The following PDZRN4 variants were observed in gnomAD, a reference collection of about 807,000 sequenced individuals.
The protein encoded by PDZRN4 is PDZ domain containing ring finger 4, also known as PDZ domain-containing RING finger protein 4.
Under a neutral mutation model 99.0 loss-of-function variants are expected in PDZRN4, and 70 were observed. That is an observed-to-expected ratio of 0.71 (90% CI 0.58 to 0.86). The LOEUF (loss-of-function observed/expected upper bound fraction) is 0.86, where lower values mean the gene tolerates loss of function less well. Ranked by LOEUF, PDZRN4 falls within the 40% of genes least tolerant of loss-of-function variation. PDZRN4 has a pLI of 0.00. For synonymous variants in PDZRN4, 551 were observed against 501.6 expected (o/e 1.10, Z -1.32); for missense variants, 1,474 against 1,331.2 (o/e 1.11, Z -1.67).
At chr12:41,553,115 C>G (rs939314044) in intron 6 of PDZRN4, among the ~76,000 whole-genome samples, 1 of 152,184 alleles carries the variant, frequency 6.6e-6, no homozygotes, top group African/African-American at 2.4e-5. Context: ...GTTCTATTAA[C>G]AGTAGCACTG....
chr12:41,324,714 G>A (rs1408442484), intron 3 of PDZRN4, among the ~76,000 whole-genome samples: 1 of 152,044 alleles, frequency 6.6e-6, no homozygotes, highest in Non-Finnish European at 1.5e-5. Flanking sequence ...TTCCAACATA[G>A]TAGTCAATAG....
chr12:41,475,875 G>T (rs1370285918), intron 3 of PDZRN4, among the ~76,000 whole-genome samples: 1 of 152,074 alleles, frequency 6.6e-6, no homozygotes, highest in Non-Finnish European at 1.5e-5. Flanking sequence ...TGACCTCCGG[G>T]AGTAAATGTT....
intron 3 of PDZRN4, among the ~76,000 whole-genome samples, chr12:41,248,430 A>G (rs923611723): frequency 6.6e-6 from 1 of 152,336 alleles, no homozygotes; most frequent in South Asian, 2.1e-4. Context: ...CAAGAAAAAT[A>G]ACATTTTAAT....
intron 3 of PDZRN4, among the ~76,000 whole-genome samples, chr12:41,267,409 A>G (rs1340032614): frequency 6.6e-6 from 1 of 152,298 alleles, no homozygotes; most frequent in African/African-American, 2.4e-5. Context: ...AAGAAGAAGA[A>G]AAAAAAGACA....
At chr12:41,388,118 C>T (rs1356522050) in intron 3 of PDZRN4, among the ~76,000 whole-genome samples, 3 of 152,072 alleles carry the variant, frequency 2.0e-5, no homozygotes, top group Non-Finnish European at 4.4e-5. Context: ...ATGTCCTTTG[C>T]AGGGATATGG....
chr12:41,470,089 A>G (rs930478942), intron 3 of PDZRN4, among the ~76,000 whole-genome samples: 21 of 152,068 alleles, frequency 1.4e-4, no homozygotes, highest in African/African-American at 4.8e-4. Context: ...TATTTTGACT[A>G]CTTGAAGGCC....
chr12:41,538,265 T>G (rs1005265515), intron 5 of PDZRN4, among the ~76,000 whole-genome samples: 1 of 152,166 alleles, frequency 6.6e-6, no homozygotes, highest in African/African-American at 2.4e-5. Context: ...ATCTAGAAAT[T>G]TTTCTTTGAA....
At chr12:41,260,246 A>T (rs1303479885) in intron 3 of PDZRN4, among the ~76,000 whole-genome samples, 1 of 152,110 alleles carries the variant, frequency 6.6e-6, no homozygotes, top group Non-Finnish European at 1.5e-5. Context: ...TAGGATAGGA[A>T]CAACAATACT....
chr12:41,394,022 T>C (rs911471090), intron 3 of PDZRN4, among the ~76,000 whole-genome samples: 1 of 152,198 alleles, frequency 6.6e-6, no homozygotes, highest in East Asian at 1.9e-4. Context: ...GAATGCCTTA[T>C]AAATGGAAAT....
chr12:41,451,596 A>G (rs754008039), intron 3 of PDZRN4, among the ~76,000 whole-genome samples: 3 of 152,214 alleles, frequency 2.0e-5, no homozygotes, highest in Non-Finnish European at 4.4e-5. Context: ...AAAAAATCAA[A>G]CAAAAGAGTG....
At chr12:41,395,365 G>T (rs1424426078) in intron 3 of PDZRN4, among the ~76,000 whole-genome samples, 1 of 152,092 alleles carries the variant, frequency 6.6e-6, no homozygotes, top group Admixed American at 6.6e-5. Context: ...GGAGTCACTG[G>T]TCCATAGCAA....
rs779506636 is a variant in PDZRN4, at chr12:41,188,743, G to A, written c.288G>A (p.Glu96=). 31 of 1,512,068 alleles carry A rather than the reference G, an allele frequency of 2.1e-5. No individual in the cohort carries two copies. The African/African-American group carries it at 4.3e-4, about 21-fold the overall frequency. 93.7% of individuals were successfully genotyped at this position (1,512,068 alleles called of 1,614,324 possible). ...RGCGHSVRLH[E]LEAHVEHCDF... ...GCGGCCACTCGGTCAGGCTGCACGA[G>A]CTGGAGGCGCACGTCGAGCACTGCG... Residue 96 remains glutamate, a synonymous_variant, in exon 1 of 10, where the codon GAG becomes GAA. Coordinates refer to ENST00000402685, the MANE Select transcript of PDZRN4 (RefSeq NM_001164595.2).
chr12:41,531,421 T>C (rs556078904), intron 5 of PDZRN4, among the ~76,000 whole-genome samples: 26 of 152,280 alleles, frequency 1.7e-4, no homozygotes, highest in African/African-American at 5.5e-4. Context: ...CTCCGATGTG[T>C]TTCTGTCAAC....
chr12:41,512,832 A>G (rs941139786), intron 5 of PDZRN4, among the ~76,000 whole-genome samples: 1 of 152,078 alleles, frequency 6.6e-6, no homozygotes, highest in Non-Finnish European at 1.5e-5. Flanking sequence ...GAGCTTCAAT[A>G]TAGTTTGTGC....
intron 5 of PDZRN4, among the ~76,000 whole-genome samples, chr12:41,549,928 C>T (rs1939023442): frequency 6.6e-6 from 1 of 152,068 alleles, no homozygotes; most frequent in Admixed American, 6.6e-5. Context: ...AAACAAAGAC[C>T]ATGGAGATAA....
chr12:41,485,543 T>C (rs1240939001), intron 3 of PDZRN4, among the ~76,000 whole-genome samples: 1 of 152,108 alleles, frequency 6.6e-6, no homozygotes, highest in African/African-American at 2.4e-5. Context: ...CTCTCTCTTT[T>C]TCTTTCTTTC....
chr12:41,471,408 G>A (rs545471317), intron 3 of PDZRN4, among the ~76,000 whole-genome samples: 1 of 152,010 alleles, frequency 6.6e-6, no homozygotes, highest in East Asian at 1.9e-4. Context: ...AATATATTAG[G>A]ATAGCTGAAT....
At chr12:41,514,980 T>G (rs1938376196) in intron 5 of PDZRN4, among the ~76,000 whole-genome samples, 1 of 152,090 alleles carries the variant, frequency 6.6e-6, no homozygotes. Flanking sequence ...TGGTATAAAT[T>G]TGGCATGTTC....
chr12:41,554,823 G>A (rs201849612), intron 6 of PDZRN4, among the ~76,000 whole-genome samples: 1 of 146,770 alleles, frequency 6.8e-6, no homozygotes, highest in African/African-American at 2.5e-5. Context: ...GTGTGTGTAT[G>A]TGTGTGTGTG....
Sources: gnomAD v4.1 joint callset for allele counts (sites outside exome capture counted in the v4.1 genomes callset) on GRCh38, gnomAD v4.1.1 for gene constraint, MANE v1.5 for transcripts, NCBI Gene and HGNC (gene_info 2026-07-23, HGNC 2026-07-21) for gene names.